The following EBF4 variants were observed in gnomAD, a reference collection of about 807,000 sequenced individuals.
EBF4 encodes EBF transcription factor 4.
In EBF4, 34 loss-of-function variants were observed where a neutral mutation model predicts 67.1. The observed-to-expected ratio is 0.51, with a 90% confidence interval of 0.39 to 0.67. The LOEUF (loss-of-function observed/expected upper bound fraction) is 0.67, where lower values mean the gene tolerates loss of function less well. EBF4 is among the 30% of genes least tolerant of loss of function. The pLI, the probability that EBF4 is intolerant of heterozygous loss-of-function variation, is 0.00. For synonymous variants in EBF4, 387 were observed against 377.7 expected, an observed-to-expected ratio of 1.02 and a Z score of -0.29; for missense variants, 837 against 873.3, an observed-to-expected ratio of 0.96 and a Z score of 0.52.
chr20:2,716,270 T>G (rs1477683038), intron 6 of EBF4, among the ~76,000 whole-genome samples: 5 of 147,372 alleles, frequency 3.4e-5, no homozygotes, highest in African/African-American at 1.3e-4. Context: ...CTCACGCCTG[T>G]AATCCCAGCA....
chr20:2,730,126 G>A (rs1371257665), intron 6 of EBF4, among the ~76,000 whole-genome samples: 1 of 152,216 alleles, frequency 6.6e-6, no homozygotes, highest in Non-Finnish European at 1.5e-5. Context: ...CTTGCTTAGT[G>A]TATTAGTTTC....
At chr20:2,738,698 TCTC>T in intron 6 of EBF4, among the ~76,000 whole-genome samples, 1 of 152,094 alleles carries the variant, frequency 6.6e-6, no homozygotes, top group Middle Eastern at 3.4e-3. Flanking sequence ...CCCCTCCCCT[TCTC>T]CTCAGGCCCC....
intron 5 of EBF4, 109 bp downstream of exon 5, chr20:2,708,129 T>A: frequency 8.6e-7 from 1 of 1,166,026 alleles, no homozygotes; most frequent in Non-Finnish European, 1.2e-6. Context: ...TCTCTGCTGC[T>A]GCTCCCTGGA....
chr20:2,712,020 G>C (rs1213369858), intron 6 of EBF4, among the ~76,000 whole-genome samples: 3 of 152,124 alleles, frequency 2.0e-5, no homozygotes, highest in African/African-American at 7.2e-5. Context: ...AGGCCCAGGT[G>C]GCTGGAGCAA....
rs531103108 is a variant in EBF4, at chr20:2,750,092, C to A, written c.1018+119C>A. On this transcript the variant is annotated intron_variant, in intron 10 of 16. Transcript: ENST00000609451. Reference sequence around the variant, plus strand: ...GAGCTCTACGCTGTGGCCACGACCCCTAGACGGCCCCGGGCCCCTTTAACC... The same window carrying A: ...GAGCTCTACGCTGTGGCCACGACCCATAGACGGCCCCGGGCCCCTTTAACC... 5.1e-5 allele frequency: 72 copies of A among 1,398,528 alleles called. No homozygotes were observed. The African/African-American group carries it at 1.0e-3, about 20-fold the overall frequency. 86.6% of individuals were successfully genotyped at this position (1,398,528 alleles called of 1,614,324 possible).
intron 6 of EBF4, among the ~76,000 whole-genome samples, chr20:2,737,127 G>A (rs59192060): frequency 0.16 from 24,269 of 151,506 alleles, 4,128 homozygotes; most frequent in African/African-American, 0.42. Context: ...GCGGGCGCCT[G>A]TAGTCCCAGC....
At chr20:2,737,698 C>T (rs112814347) in intron 6 of EBF4, among the ~76,000 whole-genome samples, 14 of 152,012 alleles carry the variant, frequency 9.2e-5, no homozygotes, top group African/African-American at 3.1e-4. Flanking sequence ...AGGCCGGGCG[C>T]AGTGGCTCAC....
chr20:2,718,658 G>A (rs914615804), intron 6 of EBF4, among the ~76,000 whole-genome samples: 1 of 152,164 alleles, frequency 6.6e-6, no homozygotes, highest in Non-Finnish European at 1.5e-5. Context: ...CTGGCAAATT[G>A]TGTCTTCTCT....
Position 2,707,801 on chromosome 20 carries a change from G to A in EBF4, c.415-146G>A. 1.4e-6 allele frequency: 1 copy of A among 732,104 alleles called. No homozygotes were observed. The highest frequency in any genetic ancestry group is 1.8e-5 in the African/African-American group (1 of 54,802). 45.4% of individuals were successfully genotyped at this position (732,104 alleles called of 1,614,324 possible). On this transcript the variant is annotated intron_variant, in intron 4 of 16. Transcript: ENST00000609451. This position sits in a 1 kb window ranked among gnomAD's most constrained non-coding sequence, Gnocchi z 4.6. ...GGAGGGGTTATCCCCCGCCTGGGCA[G>A]CCCAGAGCAAGGCAGAGGGCGTGCT...
rs951557195 is a variant in EBF4, at chr20:2,751,610, G to A, written c.1019-90G>A. 44 of 1,354,850 alleles carry A rather than the reference G, an allele frequency of 3.2e-5. No homozygotes were observed. Among genetic ancestry groups the A allele is most frequent in the Admixed American group, 2.2e-4 (11 of 49,952 alleles). The allele number at this position is 1,354,850 out of a possible 1,614,324, so 83.9% of individuals were successfully genotyped here. ...GGGCTGCAGCGAGGCTCTCGGACTG[G>A]GCGCTGGCCTGCTTTTGGCGCCCTG... On this transcript the variant is annotated intron_variant, in intron 10 of 16. Coordinates refer to ENST00000609451, the Ensembl canonical transcript of EBF4. The surrounding 1 kb of genome is among the most constrained non-coding windows in gnomAD (Gnocchi z 5.2).
At chr20:2,715,411 A>G (rs2087595277) in intron 6 of EBF4, among the ~76,000 whole-genome samples, 1 of 152,256 alleles carries the variant, frequency 6.6e-6, no homozygotes, top group Non-Finnish European at 1.5e-5. Flanking sequence ...TATTATAAGC[A>G]AAGCTGCTAT....
intron 1 of EBF4, 117 bp from the exon 2 acceptor site, chr20:2,705,460 C>T: frequency 6.9e-7 from 1 of 1,450,738 alleles, no homozygotes; most frequent in Non-Finnish European, 9.4e-7. Flanking sequence ...ATTTTTTGCC[C>T]AAACTCTTGG....
chr20:2,708,152 C>G (rs532850321), intron 5 of EBF4, 132 bp downstream of exon 5: 8 of 956,584 alleles, frequency 8.4e-6, no homozygotes, highest in Non-Finnish European at 1.2e-5. Context: ...AGCCTGGTGG[C>G]AGGTGATGAA....
intron 5 of EBF4, among the ~76,000 whole-genome samples, chr20:2,709,024 A>G (rs2087500195): frequency 6.6e-6 from 1 of 152,138 alleles, no homozygotes; most frequent in African/African-American, 2.4e-5. Context: ...CGTCTCTACC[A>G]AAATTACAAA....
Position 2,696,890 on chromosome 20 carries a change from T to G in EBF4, c.137+3108T>G, listed in dbSNP as rs564008940. On this transcript the variant is annotated intron_variant, in intron 1 of 16. Transcript: ENST00000609451. This position sits in a 1 kb window ranked among gnomAD's most constrained non-coding sequence, Gnocchi z 4.7. ...TCCCGGTCCTCCTTGCCCTGCCAGCTGGGGCCTTCCCCTAAGGCAAGGGTA... is the reference window on the plus strand; with the variant it reads ...TCCCGGTCCTCCTTGCCCTGCCAGCGGGGGCCTTCCCCTAAGGCAAGGGTA... 4.3e-4 allele frequency among the ~76,000 whole-genome samples: 65 copies of G among 152,322 alleles called. No individual in the cohort carries two copies. Among genetic ancestry groups the G allele is most frequent in the African/African-American group, 1.5e-3 (62 of 41,576 alleles).
At chr20:2,746,092 C>T (rs2088046467) in intron 6 of EBF4, among the ~76,000 whole-genome samples, 1 of 152,134 alleles carries the variant, frequency 6.6e-6, no homozygotes, top group African/African-American at 2.4e-5. Flanking sequence ...GGAGTCTATA[C>T]TCTGTCACAT....
chr20:2,752,606 C>T, intron 14 of EBF4, 61 bp downstream of exon 14: 1 of 1,187,698 alleles, frequency 8.4e-7, no homozygotes, highest in Non-Finnish European at 1.1e-6. Flanking sequence ...GGACTCAGCC[C>T]CGCCCCCGCC....
intron 6 of EBF4, among the ~76,000 whole-genome samples, chr20:2,721,540 C>T (rs1452670005): frequency 6.6e-6 from 1 of 152,052 alleles, no homozygotes; most frequent in Admixed American, 6.6e-5. Context: ...CTGCAACTTC[C>T]ACCTCCTGGG....
At chr20:2,743,587 G>A (rs996340499) in intron 6 of EBF4, among the ~76,000 whole-genome samples, 1 of 152,234 alleles carries the variant, frequency 6.6e-6, no homozygotes, top group African/African-American at 2.4e-5. Context: ...ATGTGCGAGT[G>A]TGTGAGTGCG....
Sources: gnomAD v4.1 joint callset for allele counts (sites outside exome capture counted in the v4.1 genomes callset) on GRCh38, gnomAD v4.1.1 for gene constraint, Gnocchi (gnomAD v3.1) non-coding constraint, MANE v1.5 for transcripts, NCBI Gene and HGNC (gene_info 2026-07-23, HGNC 2026-07-21) for gene names.